The following ROBO1 variants were observed in gnomAD, a reference collection of about 807,000 sequenced individuals.
The protein encoded by ROBO1 is roundabout homolog 1.
In ROBO1, 149 loss-of-function variants were observed where a neutral mutation model predicts 195.9. The observed-to-expected ratio is 0.76, with a 90% CI of 0.67 to 0.87. The LOEUF is 0.87. ROBO1 is among the 40% of genes least tolerant of loss of function. The probability of loss-of-function intolerance (pLI) is 0.00; values close to 1 mark genes in which losing one functional copy is unlikely to be tolerated. For synonymous variants in ROBO1, 816 were observed against 733.2 expected (o/e 1.11, Z -1.82); for missense variants, 1,933 against 2,068.3 (o/e 0.93, Z 1.27).
chr3:79,112,314 A>G (rs191798931), intron 3 of ROBO1, among the ~76,000 whole-genome samples: 1 of 152,224 alleles, frequency 6.6e-6, no homozygotes, highest in African/African-American at 2.4e-5. Flanking sequence ...TTTGCACTCC[A>G]GAGAAGTGCT....
At chr3:79,022,917 G>A (rs552008880) in intron 3 of ROBO1, among the ~76,000 whole-genome samples, 19 of 152,196 alleles carry the variant, frequency 1.2e-4, no homozygotes, top group African/African-American at 4.6e-4. Flanking sequence ...GATCTCTTGC[G>A]TTGCTCCAAT....
chr3:78,964,970 T>C (rs1293633563), intron 3 of ROBO1, among the ~76,000 whole-genome samples: 1 of 151,862 alleles, frequency 6.6e-6, no homozygotes, highest in East Asian at 1.9e-4. Flanking sequence ...GCCCAGCCTA[T>C]GTTTCACTCT....
chr3:79,226,129 C>T (rs961993282), intron 2 of ROBO1, among the ~76,000 whole-genome samples: 3 of 152,154 alleles, frequency 2.0e-5, no homozygotes, highest in Non-Finnish European at 4.4e-5. Context: ...AATCTTCATG[C>T]ACTTTTTCGT....
intron 3 of ROBO1, among the ~76,000 whole-genome samples, chr3:78,993,409 G>C (rs1443017431): frequency 6.6e-6 from 1 of 152,068 alleles, no homozygotes; most frequent in Non-Finnish European, 1.5e-5. Flanking sequence ...CCTTGAATTT[G>C]AGTCAAATTT....
intron 3 of ROBO1, among the ~76,000 whole-genome samples, chr3:79,050,461 AC>A (rs2078675676): frequency 6.6e-6 from 1 of 152,052 alleles, no homozygotes; most frequent in Non-Finnish European, 1.5e-5. Context: ...AGACTTTAAC[AC>A]CCCACTACCA....
At chr3:79,598,960 A>C (rs1188955079) in intron 1 of ROBO1, among the ~76,000 whole-genome samples, 3 of 152,072 alleles carry the variant, frequency 2.0e-5, no homozygotes, top group Admixed American at 2.0e-4. Context: ...CATTCGAGAA[A>C]GCCAGGACTA....
rs573036861 is a variant in ROBO1 at position 79,528,562 on chromosome 3, G to A, written c.88+61262C>T. 9.2e-5 allele frequency among the ~76,000 whole-genome samples: 14 copies of A among 152,146 alleles called. No individual in the cohort carries two copies. The South Asian group carries it at 1.9e-3, about 20-fold the overall frequency. The stretch of plus-strand genomic sequence containing the variant: ...TCAATCTCACCACTGAGAATCTCTC[G>A]TCTTTAATGAGAATTTGAGACTCAA... On this transcript the variant is annotated intron_variant, in intron 2 of 30. Transcript: ENST00000464233.
At chr3:78,790,167 A>C (rs1035971107) in intron 4 of ROBO1, among the ~76,000 whole-genome samples, 1 of 152,082 alleles carries the variant, frequency 6.6e-6, no homozygotes, top group African/African-American at 2.4e-5. Context: ...TGTTCTTCTT[A>C]TACCTGGTGT....
At position 79,610,186 on chromosome 3, in the gene ROBO1, C is replaced by A. The variant is rs184841898; in HGVS notation, c.-50-20225G>T. On this transcript the variant is annotated intron_variant, in intron 1 of 30. Transcript: ENST00000464233. ...ATCCGTGGGGGATACATTCCAGGATCCCCAGTGGATGCGCAAAACCATGGA... is the reference window on the plus strand; with the variant it reads ...ATCCGTGGGGGATACATTCCAGGATACCCAGTGGATGCGCAAAACCATGGA... Among the ~76,000 whole-genome samples the A allele has an allele frequency of 1.3e-3, 196 of 151,952 alleles. 2 individuals carry two copies. The highest frequency in any genetic ancestry group is 3.7e-3 in the African/African-American group (154 of 41,500).
chr3:79,267,542 T>A (rs1363196789), intron 2 of ROBO1, among the ~76,000 whole-genome samples: 3 of 150,566 alleles, frequency 2.0e-5, no homozygotes, highest in African/African-American at 7.3e-5. Flanking sequence ...GTTTTAAATC[T>A]ATCTCTTTTT....
intron 2 of ROBO1, among the ~76,000 whole-genome samples, chr3:79,236,921 G>A (rs552129261): frequency 2.6e-5 from 4 of 152,078 alleles, no homozygotes; most frequent in Admixed American, 1.3e-4. Flanking sequence ...TTTTGGCTGC[G>A]TTCTACTGGA....
chr3:78,805,942 C>T (rs1216577153), intron 4 of ROBO1, among the ~76,000 whole-genome samples: 4 of 151,816 alleles, frequency 2.6e-5, no homozygotes, highest in Non-Finnish European at 5.9e-5. Context: ...CTTCAAAAAA[C>T]TTTTAATTTG....
At chr3:78,932,019 G>T (rs367792991) in intron 4 of ROBO1, among the ~76,000 whole-genome samples, 6 of 152,130 alleles carry the variant, frequency 3.9e-5, no homozygotes, top group African/African-American at 1.2e-4. Flanking sequence ...GAGAGCTTCA[G>T]TTAAACTCTA....
intron 4 of ROBO1, among the ~76,000 whole-genome samples, chr3:78,891,415 T>G (rs1045501246): frequency 2.0e-5 from 3 of 152,152 alleles, no homozygotes; most frequent in East Asian, 1.9e-4. Context: ...GAGAGATATC[T>G]CATATCCACT....
chr3:79,206,110 G>A (rs534454069), intron 2 of ROBO1, among the ~76,000 whole-genome samples: 1 of 152,238 alleles, frequency 6.6e-6, no homozygotes, highest in South Asian at 2.1e-4. Flanking sequence ...AGCATGATGA[G>A]ATCTCATGCT....
intron 5 of ROBO1, among the ~76,000 whole-genome samples, chr3:78,738,218 G>T (rs569939272): frequency 5.4e-4 from 82 of 152,192 alleles, no homozygotes; most frequent in Middle Eastern, 3.4e-3. Flanking sequence ...TGGGGATTTG[G>T]ATGGGATGTG....
intron 4 of ROBO1, among the ~76,000 whole-genome samples, chr3:78,858,513 G>A (rs2034588884): frequency 7.2e-6 from 1 of 138,986 alleles, no homozygotes; most frequent in African/African-American, 2.7e-5. Context: ...TGTATCACTT[G>A]AACCCAGGAG....
At chr3:79,217,398 T>A (rs1576828827) in intron 2 of ROBO1, among the ~76,000 whole-genome samples, 2 of 152,188 alleles carry the variant, frequency 1.3e-5, no homozygotes, top group Non-Finnish European at 2.9e-5. Flanking sequence ...AGTCTTTGAC[T>A]GTCATATCTC....
At chr3:79,611,364 T>A (rs1168473920) in intron 1 of ROBO1, among the ~76,000 whole-genome samples, 1 of 152,036 alleles carries the variant, frequency 6.6e-6, no homozygotes, top group South Asian at 2.1e-4. Context: ...AAAATTCAAA[T>A]TAAAATCATT....
Sources: allele counts gnomAD v4.1 joint callset (sites outside exome capture counted in the v4.1 genomes callset), GRCh38; gene constraint gnomAD v4.1.1; transcripts MANE v1.5; gene names NCBI Gene and HGNC (gene_info 2026-07-23, HGNC 2026-07-21).